The following CLCN5 variants were observed in gnomAD, a reference collection of about 807,000 sequenced individuals.
The protein encoded by CLCN5 is Cl-/H+ antiporter 5.
Under a neutral mutation model 54.0 loss-of-function variants are expected in CLCN5, and 17 were observed. That is an observed-to-expected ratio of 0.31 (90% CI 0.22 to 0.47). The LOEUF is 0.47. CLCN5 is among the 20% of genes least tolerant of loss of function. The probability of loss-of-function intolerance (pLI) is 1.00; values close to 1 mark genes in which losing one functional copy is unlikely to be tolerated. For synonymous variants in CLCN5, 222 were observed against 233.0 expected, an observed-to-expected ratio of 0.95 and a Z score of 0.43; for missense variants, 448 against 646.7, an observed-to-expected ratio of 0.69 and a Z score of 3.33.
intron 3 of CLCN5, among the ~76,000 whole-genome samples, chrX:49,943,885 G>A (rs1368430486): frequency 2.9e-4 from 32 of 111,313 alleles, no homozygotes; most frequent in Non-Finnish European, 4.9e-4. Flanking sequence ...TGGCAATGCG[G>A]GCTCTTTTTT....
intron 3 of CLCN5, among the ~76,000 whole-genome samples, chrX:50,015,516 A>T (rs1382200840): frequency 9.3e-6 from 1 of 108,051 alleles, no homozygotes; most frequent in Non-Finnish European, 1.9e-5. Context: ...TCTTTATATT[A>T]CCTTACTTTA....
chrX:50,001,349 T>A (rs1224384914), intron 3 of CLCN5, among the ~76,000 whole-genome samples: 1 of 110,832 alleles, frequency 9.0e-6, no homozygotes, highest in African/African-American at 3.3e-5. Flanking sequence ...CTACCTTCTC[T>A]ACCCAAAAAG....
chrX:50,022,693 T>C (rs1206807221), intron 3 of CLCN5, among the ~76,000 whole-genome samples: 6 of 82,272 alleles, frequency 7.3e-5, no homozygotes, highest in Non-Finnish European at 1.3e-4. Context: ...TTCTCTTTGG[T>C]TTCAAAGAAC....
At chrX:50,047,935 A>G (rs1307929319) in intron 4 of CLCN5, among the ~76,000 whole-genome samples, 2 of 111,827 alleles carry the variant, frequency 1.8e-5, no homozygotes, top group African/African-American at 6.5e-5. Flanking sequence ...GCTGAGGTGT[A>G]ATGTTTGCCA....
intron 4 of CLCN5, among the ~76,000 whole-genome samples, chrX:50,058,258 A>G (rs1281272354): frequency 1.8e-5 from 2 of 111,697 alleles, no homozygotes; most frequent in African/African-American, 6.5e-5. Context: ...CTGTGATATT[A>G]CTAAAGCAGT....
intron 3 of CLCN5, among the ~76,000 whole-genome samples, chrX:50,002,254 A>G (rs1929867290): frequency 9.0e-6 from 1 of 110,605 alleles, no homozygotes; most frequent in African/African-American, 3.3e-5. Flanking sequence ...TATGTACTGG[A>G]CATCTGCCCC....
At chrX:49,939,409 C>T (rs782603215) in intron 3 of CLCN5, among the ~76,000 whole-genome samples, 5 of 111,030 alleles carry the variant, frequency 4.5e-5, no homozygotes, top group African/African-American at 1.6e-4. Flanking sequence ...CAATGATAGA[C>T]CGGATTAAGA....
In CLCN5 at chrX:50,092,340, C is replaced by G. The variant is rs1934131650; in HGVS notation, c.*121C>G. 8 of 516,473 alleles carry G rather than the reference C, an allele frequency of 1.5e-5. No individual in the cohort carries two copies. The highest frequency in any genetic ancestry group is 3.2e-4 in the Middle Eastern group (1 of 3,114). The allele number at this position is 516,473 out of a possible 1,213,427, so 42.6% of individuals were successfully genotyped here. ...TGGTGAAGTCACATTAGTGTGTTGTCTCTTTCCTACAAGTTAACCAGTTGC... is the reference window on the plus strand; with the variant it reads ...TGGTGAAGTCACATTAGTGTGTTGTGTCTTTCCTACAAGTTAACCAGTTGC... On this transcript the variant is annotated 3_prime_UTR_variant, in exon 15 of 15. Coordinates refer to ENST00000376091, the MANE Select transcript of CLCN5 (RefSeq NM_001127898.4).
intron 3 of CLCN5, chrX:50,003,637 C>T (rs1557180968): frequency 3.2e-6 from 1 of 312,322 alleles, no homozygotes; most frequent in Non-Finnish European, 6.6e-6. Flanking sequence ...ATACGCACTC[C>T]TTCACCAAAA....
rs1934205341 is a variant in CLCN5 at position 50,094,691 on chromosome X, A to G, written c.*2472A>G. On this transcript the variant is annotated 3_prime_UTR_variant, in exon 15 of 15. Transcript: ENST00000376091. ...GATGCTAAGCACCGATTGGCCCTCCAGAGAATGACAATATCCCTTTGATAC... is the reference window on the plus strand; with the variant it reads ...GATGCTAAGCACCGATTGGCCCTCCGGAGAATGACAATATCCCTTTGATAC... 1 of 112,679 alleles carries G rather than the reference A, an allele frequency of 8.9e-6. No individual in the cohort carries two copies. The highest frequency in any genetic ancestry group is 1.9e-5 in the Non-Finnish European group (1 of 53,307). 9.3% of individuals were successfully genotyped at this position (112,679 alleles called of 1,213,427 possible). A position where few individuals can be genotyped will look rare whatever the true frequency, so the allele number is the denominator to read the frequency against.
At chrX:49,955,925 T>C (rs1927294552) in intron 3 of CLCN5, among the ~76,000 whole-genome samples, 2 of 111,885 alleles carry the variant, frequency 1.8e-5, no homozygotes, top group African/African-American at 6.5e-5. Context: ...AGACTGATCT[T>C]CTAATGGATC....
At chrX:49,952,392 A>G (rs1927079890) in intron 3 of CLCN5, among the ~76,000 whole-genome samples, 1 of 110,502 alleles carries the variant, frequency 9.0e-6, no homozygotes, top group South Asian at 3.8e-4. Context: ...GAAATAAAAG[A>G]CTATTATTTT....
At chrX:50,085,724 G>A (rs1215329451) in intron 9 of CLCN5, 7 of 392,346 alleles carry the variant, frequency 1.8e-5, no homozygotes, top group African/African-American at 1.3e-4. Flanking sequence ...GGGCGGGGGG[G>A]CGGTGCATAA....
At chrX:49,926,734 G>A (rs781844211) in intron 3 of CLCN5, among the ~76,000 whole-genome samples, 6 of 112,081 alleles carry the variant, frequency 5.4e-5, no homozygotes, top group Non-Finnish European at 1.1e-4. Context: ...ACTTTATCCT[G>A]AAGACAAAGA....
At chrX:50,009,641 A>T in intron 3 of CLCN5, 1 of 371,588 alleles carries the variant, frequency 2.7e-6, no homozygotes, top group Non-Finnish European at 5.4e-6. Context: ...ACACAGAGAT[A>T]CTTTGCAGGA....
intron 3 of CLCN5, among the ~76,000 whole-genome samples, chrX:49,953,180 C>T (rs1484133968): frequency 9.9e-5 from 11 of 111,577 alleles, no homozygotes; most frequent in African/African-American, 3.3e-4. Context: ...GCCACTGTGC[C>T]CGGCCGTGTG....
chrX:50,031,765 A>T (rs1018205978), intron 3 of CLCN5, among the ~76,000 whole-genome samples: 25 of 108,749 alleles, frequency 2.3e-4, no homozygotes, highest in Non-Finnish European at 4.2e-4. Context: ...CATGTGCACA[A>T]TGTGCAGGTT....
intron 7 of CLCN5, among the ~76,000 whole-genome samples, chrX:50,080,349 T>C (rs1402588639): frequency 4.5e-5 from 5 of 111,959 alleles, no homozygotes; most frequent in Non-Finnish European, 9.4e-5. Context: ...GCTCTTTTCC[T>C]TGTTCATCCT....
intron 3 of CLCN5, among the ~76,000 whole-genome samples, chrX:49,938,323 A>G (rs1019583876): frequency 8.9e-6 from 1 of 111,965 alleles, no homozygotes; most frequent in South Asian, 3.7e-4. Context: ...AAGAGCCCAC[A>G]TTGCCAAGTC....
Sources: allele counts gnomAD v4.1 joint callset (sites outside exome capture counted in the v4.1 genomes callset), GRCh38; gene constraint gnomAD v4.1.1; transcripts MANE v1.5; gene names NCBI Gene and HGNC (gene_info 2026-07-23, HGNC 2026-07-21).